The following HAUS6 variants were observed in gnomAD, a reference collection of about 807,000 sequenced individuals.
The protein encoded by HAUS6 is HAUS augmin-like complex subunit 6.
Under a neutral mutation model 106.8 loss-of-function variants are expected in HAUS6, and 80 were observed. That is an observed-to-expected ratio of 0.75 (90% CI 0.63 to 0.90). HAUS6 has a LOEUF of 0.90. Among genes scored for constraint, HAUS6 ranks in the 40% least tolerant of loss-of-function variants. The pLI, the probability that HAUS6 is intolerant of heterozygous loss-of-function variation, is 0.00. For synonymous variants in HAUS6, 356 were observed against 379.1 expected (o/e 0.94, Z 0.71); for missense variants, 1,155 against 1,118.1 (o/e 1.03, Z -0.47).
rs764682649 is a variant in HAUS6, at chr9:19,062,995, A to G, written c.1629+13T>C. The G allele has an allele frequency of 6.3e-7, 1 of 1,583,484 alleles. No homozygotes were observed. Among genetic ancestry groups the G allele is most frequent in the Non-Finnish European group, 8.7e-7 (1 of 1,154,728 alleles). ...ACTGATATTTAAGTATACTCATTAC[A>G]GTCTTTTCTCACCTCTTCTACCAGA... is the stretch of plus-strand genomic sequence containing the variant. On this transcript the variant is annotated intron_variant, in intron 14 of 16. Transcript: ENST00000380502.
chr9:19,091,599 G>C (rs971187231), intron 4 of HAUS6, among the ~76,000 whole-genome samples: 1 of 152,050 alleles, frequency 6.6e-6, no homozygotes, highest in Non-Finnish European at 1.5e-5. Flanking sequence ...AGGATTACTT[G>C]AGACCAGGAG....
chr9:19,073,955 T>A (rs1320241837), intron 11 of HAUS6: 1 of 152,018 alleles, frequency 6.6e-6, no homozygotes, highest in African/African-American at 2.4e-5. Flanking sequence ...AAGTTAAAAT[T>A]TAAGAAAAAG....
chr9:19,076,625 C>G lies in HAUS6; in HGVS notation c.1271G>C (p.Cys424Ser), dbSNP rs780225716. Residue 424 changes from cysteine (C) to serine (S), a missense_variant, in exon 11 of 17, where the codon TGT (cysteine) becomes TCT (serine). Coordinates refer to ENST00000380502, the MANE Select transcript of HAUS6 (RefSeq NM_017645.5). ...ACCTGGAAGTGAAGCAGGATACTGA[C>G]AAAGAATACTCTTTGCATACACTTC... The part of the protein sequence containing the change: ...SEEVYAKSIL[C>S]QYPASLPDAH... 8.3e-6 allele frequency: 13 copies of G among 1,572,948 alleles called. No individual in the cohort carries two copies. In the South Asian group the frequency reaches 1.2e-4, roughly 15 times the overall value.
In HAUS6 at chr9:19,058,840, T is replaced by C. The variant is rs146502464; in HGVS notation, c.1927A>G (p.Thr643Ala). The change falls in exon 16 of 17, where the codon ACC becomes GCC. Residue 643 changes from threonine to alanine, a missense_variant. This residue lies in a region of HAUS6 where 380 missense variants were observed against 394.8 expected (regional missense o/e 0.96). Coordinates refer to ENST00000380502, the MANE Select transcript of HAUS6 (RefSeq NM_017645.5). ...GACTGGCCAAAATCTGATACAGTGGTTTCTAAGAGAAAATCAGCCATGCTA... is the reference window on the plus strand; with the variant it reads ...GACTGGCCAAAATCTGATACAGTGGCTTCTAAGAGAAAATCAGCCATGCTA... The part of the protein sequence containing the change: ...EFSMADFLLE[T>A]TVSDFGQSHL... 5.0e-6 allele frequency: 8 copies of C among 1,614,088 alleles called. No homozygotes were observed. In the Admixed American group the frequency reaches 6.7e-5, roughly 13 times the overall value.
chr9:19,096,636 G>A, intron 2 of HAUS6, 38 bp downstream of exon 2: 3 of 833,508 alleles, frequency 3.6e-6, no homozygotes, highest in East Asian at 2.8e-5. Flanking sequence ...TTTCAAATTT[G>A]GAAAGAAATT....
intron 1 of HAUS6, among the ~76,000 whole-genome samples, chr9:19,098,772 C>G (rs147277392): frequency 0.016 from 2,462 of 152,150 alleles, 78 homozygotes; most frequent in African/African-American, 0.057. Context: ...CCTGTAATCC[C>G]AGCACTCTGG....
chr9:19,093,785 T>C (rs925606748), intron 3 of HAUS6, among the ~76,000 whole-genome samples: 1 of 152,024 alleles, frequency 6.6e-6, no homozygotes, highest in Non-Finnish European at 1.5e-5. Flanking sequence ...GGGAGAATCA[T>C]TCGAACCTGG....
chr9:19,084,876 ACCATATCGG>A (rs1352341340), intron 7 of HAUS6, among the ~76,000 whole-genome samples: 1 of 151,446 alleles, frequency 6.6e-6, no homozygotes, highest in Non-Finnish European at 1.5e-5. Flanking sequence ...AAGTGATCCA[ACCATATCGG>A]CCTCCCAAAG....
chr9:19,084,868 G>C (rs1837251903), intron 7 of HAUS6, among the ~76,000 whole-genome samples: 1 of 151,820 alleles, frequency 6.6e-6, no homozygotes, highest in South Asian at 2.1e-4. Flanking sequence ...CTGGCCTCAA[G>C]TGATCCAACC....
chr9:19,077,235 AGAG>A (rs1379377435), intron 10 of HAUS6, among the ~76,000 whole-genome samples: 4 of 152,180 alleles, frequency 2.6e-5, no homozygotes, highest in Non-Finnish European at 5.9e-5. Context: ...CCTCACATCA[AGAG>A]GAGTCTTGTT....
chr9:19,070,776 G>A (rs1365387828), intron 11 of HAUS6, among the ~76,000 whole-genome samples: 1 of 152,208 alleles, frequency 6.6e-6, no homozygotes, highest in African/African-American at 2.4e-5. Flanking sequence ...TGCCTCCGAA[G>A]AGTCAGTCTA....
chr9:19,074,591 TC>T (rs1836952780), intron 11 of HAUS6, among the ~76,000 whole-genome samples: 2 of 151,994 alleles, frequency 1.3e-5, no homozygotes, highest in South Asian at 4.1e-4. Context: ...CTTTTCTATG[TC>T]TTCTCTTCTG....
chr9:19,063,819 C>T (rs779192542), intron 12 of HAUS6: 1 of 684,484 alleles, frequency 1.5e-6, no homozygotes, highest in South Asian at 1.4e-5. Context: ...CATACTGAGT[C>T]AACAATATTT....
At chr9:19,069,098 C>T (rs2131113068) in intron 12 of HAUS6, among the ~76,000 whole-genome samples, 1 of 152,142 alleles carries the variant, frequency 6.6e-6, no homozygotes. Flanking sequence ...AAGGCTGGAC[C>T]AGCCACGGGT....
At chr9:19,089,918 A>G (rs543317649) in intron 4 of HAUS6, among the ~76,000 whole-genome samples, 1 of 152,152 alleles carries the variant, frequency 6.6e-6, no homozygotes, top group South Asian at 2.1e-4. Context: ...CTGCAGCCTC[A>G]ACCTTCCGGG....
In HAUS6 at chr9:19,058,669, A is replaced by C; in HGVS notation, c.2098T>G (p.Leu700Val). ...KVICKQDLEC[L>V]AFTKLSETSR... ...GTTTCTGAAAGCTTGGTGAAGGCTAAACATTCCAAATCTTGCTTGCAAATT... is the reference window on the plus strand; with the variant it reads ...GTTTCTGAAAGCTTGGTGAAGGCTACACATTCCAAATCTTGCTTGCAAATT... The change falls in exon 16 of 17, where the codon TTA becomes GTA. Residue 700 changes from leucine to valine, a missense_variant. Physicochemically the swap from Leu to Val is conservative, Grantham distance 32. Transcript: ENST00000380502. The C allele has an allele frequency of 6.2e-7, 1 of 1,611,912 alleles. No individual in the cohort carries two copies. The highest frequency in any genetic ancestry group is 8.5e-7 in the Non-Finnish European group (1 of 1,178,096).
chr9:19,090,203 G>C (rs965026906), intron 4 of HAUS6, among the ~76,000 whole-genome samples: 4 of 151,894 alleles, frequency 2.6e-5, no homozygotes, highest in African/African-American at 9.7e-5. Flanking sequence ...GATTTCTAAA[G>C]GCGAGTTATT....
chr9:19,100,916 G>C (rs746529711), intron 1 of HAUS6, among the ~76,000 whole-genome samples: 2 of 152,132 alleles, frequency 1.3e-5, no homozygotes, highest in African/African-American at 2.4e-5. Context: ...TAGAATGGTG[G>C]TTAACACAGT....
In HAUS6 at chr9:19,078,312, C is replaced by A. The variant is rs1391091551; in HGVS notation, c.1065-10G>T. Reference sequence around the variant, plus strand: ...ATCTTTTATTCTATACCTATAATAGCATAAAAAAACTTTATTCAAAAGATG... The same window carrying A: ...ATCTTTTATTCTATACCTATAATAGAATAAAAAAACTTTATTCAAAAGATG... On this transcript the variant is annotated splice_polypyrimidine_tract_variant and intron_variant, in intron 9 of 16. Transcript: ENST00000380502. The A allele has an allele frequency of 7.3e-7, 1 of 1,367,844 alleles. No homozygotes were observed. Among genetic ancestry groups the A allele is most frequent in the African/African-American group, 1.5e-5 (1 of 68,470 alleles). The allele number at this position is 1,367,844 out of a possible 1,614,324, so 84.7% of individuals were successfully genotyped here. A position where few individuals can be genotyped will look rare whatever the true frequency, so the allele number is the denominator to read the frequency against.
Sources: allele counts gnomAD v4.1 joint callset (sites outside exome capture counted in the v4.1 genomes callset), GRCh38; gene constraint gnomAD v4.1.1; regional missense constraint gnomAD v4.1.1; transcripts MANE v1.5; gene names NCBI Gene and HGNC (gene_info 2026-07-23, HGNC 2026-07-21).